The following EYA2 variants were observed in gnomAD, a reference collection of about 807,000 sequenced individuals.
EYA2 encodes EYA transcriptional coactivator and phosphatase 2, also known as protein phosphatase EYA2.
In EYA2, 31 loss-of-function variants were observed where a neutral mutation model predicts 69.2. The observed-to-expected ratio is 0.45, with a 90% CI of 0.34 to 0.60. EYA2 has a LOEUF of 0.60. EYA2 is among the 20% of genes least tolerant of loss of function. EYA2 has a pLI of 0.02. For missense variants in EYA2, 622 were observed against 701.2 expected, an observed-to-expected ratio of 0.89 and a Z score of 1.28; for synonymous variants, 257 against 279.4, an observed-to-expected ratio of 0.92 and a Z score of 0.80.
At position 47,074,107 on chromosome 20, in the gene EYA2, G is replaced by A. The variant is rs1404707123; in HGVS notation, c.484-51G>A. The A allele has an allele frequency of 3.3e-6, 5 of 1,502,492 alleles. No individual in the cohort carries two copies. The African/African-American group carries it at 5.6e-5, about 17-fold the overall frequency. 93.1% of individuals were successfully genotyped at this position (1,502,492 alleles called of 1,614,324 possible). On this transcript the variant is annotated intron_variant, in intron 6 of 15. Coordinates refer to ENST00000327619, the MANE Select transcript of EYA2 (RefSeq NM_005244.5). ...GTGGCCAGGCTGACCAACGGCCCGA[G>A]CCCAGAAAGGCTTCCTCACATATGT... is the stretch of plus-strand genomic sequence containing the variant.
At chr20:47,013,525 T>C (rs1983209853) in intron 4 of EYA2, among the ~76,000 whole-genome samples, 1 of 152,228 alleles carries the variant, frequency 6.6e-6, no homozygotes, top group Non-Finnish European at 1.5e-5. Context: ...AGTATGTACA[T>C]TTCATCTTGG....
At chr20:47,124,501 G>C (rs2033129123) in intron 9 of EYA2, among the ~76,000 whole-genome samples, 1 of 152,120 alleles carries the variant, frequency 6.6e-6, no homozygotes, top group Non-Finnish European at 1.5e-5. Flanking sequence ...GGTGTTGATG[G>C]GGATGTTGTC....
chr20:47,156,089 T>TACACACAC (rs748282079), intron 10 of EYA2, among the ~76,000 whole-genome samples: 1,637 of 30,570 alleles, frequency 0.054, 190 homozygotes, highest in Non-Finnish European at 0.074. Context: ...TATATATACA[T>TACACACAC]ACACACACAC....
At chr20:47,159,757 A>C (rs957278297) in intron 10 of EYA2, among the ~76,000 whole-genome samples, 1 of 152,040 alleles carries the variant, frequency 6.6e-6, no homozygotes. Flanking sequence ...TGGGAGGCCA[A>C]GGTGGGCGGA....
intron 5 of EYA2, among the ~76,000 whole-genome samples, chr20:47,030,741 CAG>C (rs1555814665): frequency 6.6e-6 from 1 of 151,882 alleles, no homozygotes; most frequent in East Asian, 1.9e-4. Flanking sequence ...TTTGGGTTCA[CAG>C]AGAGAGAAAT....
At chr20:47,067,828 T>C (rs2031171946) in intron 5 of EYA2, among the ~76,000 whole-genome samples, 3 of 152,226 alleles carry the variant, frequency 2.0e-5, no homozygotes, top group Admixed American at 2.0e-4. Flanking sequence ...ACAAATTCTT[T>C]TGGTTTTCCT....
At chr20:47,057,512 C>CG (rs368422442) in intron 5 of EYA2, among the ~76,000 whole-genome samples, 18 of 124,530 alleles carry the variant, frequency 1.4e-4, no homozygotes, top group South Asian at 5.0e-4. Context: ...TTTATATCAC[C>CG]CCCCCCCCCC....
rs2034322617 is a variant in EYA2, at chr20:47,171,536, TG to T, written c.1038-1170del. Among the ~76,000 whole-genome samples the T allele has an allele frequency of 2.0e-5, 3 of 152,276 alleles. No homozygotes were observed. In the South Asian group the frequency reaches 6.2e-4, roughly 32 times the overall value. On this transcript the variant is annotated intron_variant, in intron 11 of 15. Coordinates refer to ENST00000327619, the MANE Select transcript of EYA2 (RefSeq NM_005244.5). ...CCACAGTAACCCTAGGAGAGAGAGA[TG>T]CTTTTATCCTCATCCTCATTTTTCA...
At chr20:46,998,920 T>G (rs1982194343) in intron 2 of EYA2, among the ~76,000 whole-genome samples, 1 of 152,176 alleles carries the variant, frequency 6.6e-6, no homozygotes, top group Non-Finnish European at 1.5e-5. Flanking sequence ...TGCACAGTCT[T>G]CCTGAGGTTG....
intron 9 of EYA2, among the ~76,000 whole-genome samples, chr20:47,102,022 T>C (rs2032437075): frequency 6.6e-6 from 1 of 152,250 alleles, no homozygotes; most frequent in Admixed American, 6.5e-5. Flanking sequence ...AGAAAATTTA[T>C]TGAAGCACAA....
At chr20:46,969,551 TTTTG>T (rs11471522) in intron 1 of EYA2, among the ~76,000 whole-genome samples, 2 of 151,942 alleles carry the variant, frequency 1.3e-5, no homozygotes, top group African/African-American at 2.4e-5. Flanking sequence ...CCTCTTTTGT[TTTTG>T]TTTGTTTACT....
At chr20:47,130,389 C>T (rs1317362103) in intron 9 of EYA2, among the ~76,000 whole-genome samples, 5 of 147,950 alleles carry the variant, frequency 3.4e-5, no homozygotes, top group Non-Finnish European at 7.4e-5. Context: ...CTCAGCCTCC[C>T]GAGTAGCTGG....
intron 5 of EYA2, among the ~76,000 whole-genome samples, chr20:47,031,517 C>T: frequency 6.6e-6 from 1 of 152,172 alleles, no homozygotes; most frequent in Non-Finnish European, 1.5e-5. Flanking sequence ...CTAGGTCAGA[C>T]ACAGTGAAGC....
chr20:47,064,727 G>A (rs914307870), intron 5 of EYA2, among the ~76,000 whole-genome samples: 1 of 152,178 alleles, frequency 6.6e-6, no homozygotes, highest in African/African-American at 2.4e-5. Flanking sequence ...AGACACTCGT[G>A]TTGGGTCATG....
At chr20:46,979,850 C>G (rs1469642209) in intron 1 of EYA2, 1 of 152,180 alleles carries the variant, frequency 6.6e-6, no homozygotes, top group Non-Finnish European at 1.5e-5. Flanking sequence ...TTGTTGAATA[C>G]CCACTCACTC....
At chr20:46,941,606 A>G (rs865778518) in intron 1 of EYA2, among the ~76,000 whole-genome samples, 9 of 152,212 alleles carry the variant, frequency 5.9e-5, no homozygotes, top group African/African-American at 1.7e-4. Context: ...ATGTTGAGCA[A>G]GTTACCTTCC....
chr20:46,972,806 A>G (rs556273399), intron 1 of EYA2, among the ~76,000 whole-genome samples: 16 of 152,328 alleles, frequency 1.1e-4, no homozygotes, highest in East Asian at 3.9e-4. Context: ...GGCTCTGCCT[A>G]CCTCACAGTC....
intron 4 of EYA2, among the ~76,000 whole-genome samples, chr20:47,012,055 G>A (rs1983091113): frequency 6.6e-6 from 1 of 152,114 alleles, no homozygotes; most frequent in Non-Finnish European, 1.5e-5. Flanking sequence ...AGCTCCAACC[G>A]CTACAGTATC....
At chr20:46,991,434 G>A (rs1420513949) in intron 2 of EYA2, among the ~76,000 whole-genome samples, 1 of 152,200 alleles carries the variant, frequency 6.6e-6, no homozygotes, top group Non-Finnish European at 1.5e-5. Context: ...GTGATGGGAT[G>A]TAAAGTGTCT....
Sources: gnomAD v4.1 joint callset for allele counts (sites outside exome capture counted in the v4.1 genomes callset) on GRCh38, gnomAD v4.1.1 for gene constraint, MANE v1.5 for transcripts, NCBI Gene and HGNC (gene_info 2026-07-23, HGNC 2026-07-21) for gene names.